ZNF277: variants seen among roughly 807,000 people sequenced by gnomAD.
The protein encoded by ZNF277 is nuclear receptor-interacting factor 4.
A neutral mutation model predicts 60.7 loss-of-function variants in ZNF277; 55 were observed. The observed-to-expected ratio is 0.91, with a 90% confidence interval of 0.73 to 1.13. ZNF277 has a LOEUF of 1.13. Among genes scored for constraint, ZNF277 ranks in the 50% most tolerant of loss-of-function variants. The pLI is 0.00. For missense variants in ZNF277, 510 were observed against 523.0 expected (o/e 0.98, Z 0.24); for synonymous variants, 178 against 179.3 (o/e 0.99, Z 0.06).
intron 1 of ZNF277, among the ~76,000 whole-genome samples, chr7:112,232,519 T>G (rs1185292689): frequency 6.6e-6 from 1 of 152,160 alleles, no homozygotes; most frequent in Non-Finnish European, 1.5e-5. Context: ...CATATGTCTA[T>G]ACCCAAACAA....
chr7:112,262,899 T>C (rs983794772), intron 1 of ZNF277, among the ~76,000 whole-genome samples: 2 of 152,150 alleles, frequency 1.3e-5, no homozygotes, highest in Non-Finnish European at 2.9e-5. Context: ...ATATTGTATT[T>C]CATTAACAAC....
At chr7:112,263,224 C>G (rs1370082687) in intron 1 of ZNF277, among the ~76,000 whole-genome samples, 3 of 152,122 alleles carry the variant, frequency 2.0e-5, no homozygotes, top group African/African-American at 7.2e-5. Context: ...GGTTTTGAGA[C>G]TAGTAGAGGT....
chr7:112,290,215 T>C (rs1481900501), intron 2 of ZNF277, among the ~76,000 whole-genome samples: 1 of 152,196 alleles, frequency 6.6e-6, no homozygotes, highest in African/African-American at 2.4e-5. Context: ...CCAGTGATAA[T>C]TGAATAGTTT....
At chr7:112,326,867 A>G (rs1793104251) in intron 5 of ZNF277, among the ~76,000 whole-genome samples, 1 of 152,206 alleles carries the variant, frequency 6.6e-6, no homozygotes, top group East Asian at 1.9e-4. Flanking sequence ...TTTATGAACT[A>G]AAGTTGTGAT....
rs1821483323 is a variant in ZNF277 at position 112,206,746 on chromosome 7, C to T, written c.30C>T (p.Val10=). 3.1e-6 allele frequency: 5 copies of T among 1,613,078 alleles called. No homozygotes were observed. In the African/African-American group the frequency reaches 4.0e-5, roughly 13 times the overall value. ...CTGCTTCCAAGACCCAGGGGGCTGTCGCCCGAATGCAGGAAGACCGTGATG... is the reference window on the plus strand; with the variant it reads ...CTGCTTCCAAGACCCAGGGGGCTGTTGCCCGAATGCAGGAAGACCGTGATG... MAASKTQGA[V]ARMQEDRDGS... is the part of the protein sequence containing the mutation. Residue 10 remains valine, a synonymous_variant, in exon 1 of 12, where the codon GTC becomes GTT. Coordinates refer to ENST00000361822, the MANE Select transcript of ZNF277 (RefSeq NM_021994.3).
intron 6 of ZNF277, among the ~76,000 whole-genome samples, chr7:112,329,634 A>C (rs987140585): frequency 1.3e-5 from 2 of 152,208 alleles, no homozygotes; most frequent in Non-Finnish European, 2.9e-5. Flanking sequence ...AGTAACTTAA[A>C]GTCCCACAGC....
chr7:112,339,892 T>A lies in ZNF277; in HGVS notation c.1009+7T>A. Reference sequence around the variant, plus strand: ...AAAATAAAGTCAGAACTTGGTAAGTTTGATTCAGAGGTTTTTTTCTGTGAT... The same window carrying A: ...AAAATAAAGTCAGAACTTGGTAAGTATGATTCAGAGGTTTTTTTCTGTGAT... On this transcript the variant is annotated splice_region_variant and intron_variant, in intron 10 of 11. Coordinates refer to ENST00000361822, the MANE Select transcript of ZNF277 (RefSeq NM_021994.3). 1.2e-6 allele frequency: 2 copies of A among 1,608,950 alleles called. No homozygotes were observed. The highest frequency in any genetic ancestry group is 1.7e-6 in the Non-Finnish European group (2 of 1,179,864).
chr7:112,336,730 G>T (rs1003685273), intron 8 of ZNF277, among the ~76,000 whole-genome samples: 1 of 152,028 alleles, frequency 6.6e-6, no homozygotes, highest in Non-Finnish European at 1.5e-5. Context: ...TTAATAGTGA[G>T]GTAAAGCCCA....
chr7:112,238,479 C>T (rs549238113), intron 1 of ZNF277, among the ~76,000 whole-genome samples: 1 of 152,252 alleles, frequency 6.6e-6, no homozygotes, highest in East Asian at 1.9e-4. Context: ...CAGTCTAGGC[C>T]ACAAGTAGTG....
chr7:112,277,421 G>GA (rs371732629), intron 1 of ZNF277, among the ~76,000 whole-genome samples: 16 of 152,128 alleles, frequency 1.1e-4, no homozygotes, highest in Admixed American at 3.3e-4. Flanking sequence ...TTTCTTCCCA[G>GA]AAAAAATTAA....
In ZNF277 at chr7:112,256,525, C is replaced by T. The variant is rs117062695; in HGVS notation, c.92-30348C>T. Among the ~76,000 whole-genome samples the T allele has an allele frequency of 6.1e-5, 9 of 147,640 alleles. No homozygotes were observed. The East Asian group carries it at 1.7e-3, about 28-fold the overall frequency. On this transcript the variant is annotated intron_variant, in intron 1 of 11. Coordinates refer to ENST00000361822, the MANE Select transcript of ZNF277 (RefSeq NM_021994.3). ...GCTCACTTTTGCTCTCTAAGTGGCT[C>T]ACCTCCACCTCCCAGGTTCAAGTGA...
At chr7:112,281,447 T>C (rs1031697554) in intron 1 of ZNF277, among the ~76,000 whole-genome samples, 2 of 152,202 alleles carry the variant, frequency 1.3e-5, no homozygotes, top group Non-Finnish European at 2.9e-5. Context: ...GGAGTATACT[T>C]ACATGAAGAG....
chr7:112,334,223 CT>C (rs1563232676), intron 7 of ZNF277, among the ~76,000 whole-genome samples: 1 of 151,660 alleles, frequency 6.6e-6, no homozygotes, highest in African/African-American at 2.4e-5. Context: ...TGAAGGGGAT[CT>C]TTTTTTTCCA....
At chr7:112,322,941 G>A (rs1386244593) in intron 5 of ZNF277, among the ~76,000 whole-genome samples, 1 of 152,114 alleles carries the variant, frequency 6.6e-6, no homozygotes. Flanking sequence ...GTGTATTACT[G>A]CTACTGTGTG....
intron 4 of ZNF277, among the ~76,000 whole-genome samples, chr7:112,310,827 A>C (rs1443508214): frequency 6.6e-6 from 1 of 152,044 alleles, no homozygotes. Context: ...TGCTGCCTTT[A>C]AGCTGGTTTG....
intron 5 of ZNF277, among the ~76,000 whole-genome samples, chr7:112,324,981 G>A (rs1387173077): frequency 6.6e-6 from 1 of 152,096 alleles, no homozygotes; most frequent in African/African-American, 2.4e-5. Flanking sequence ...CCCCTCATTG[G>A]TATGGGCTAT....
chr7:112,241,014 A>G (rs1790932490), intron 1 of ZNF277, among the ~76,000 whole-genome samples: 1 of 152,158 alleles, frequency 6.6e-6, no homozygotes, highest in Non-Finnish European at 1.5e-5. Flanking sequence ...GGATCATATC[A>G]AATTAAAAAC....
chr7:112,271,927 C>G (rs374174967), intron 1 of ZNF277, among the ~76,000 whole-genome samples: 9 of 152,004 alleles, frequency 5.9e-5, no homozygotes, highest in African/African-American at 2.4e-5. Context: ...AAGAATTTAT[C>G]CTTTATTTGT....
At chr7:112,321,235 AC>A (rs1191227102) in intron 5 of ZNF277, among the ~76,000 whole-genome samples, 1 of 151,416 alleles carries the variant, frequency 6.6e-6, no homozygotes, top group African/African-American at 2.4e-5. Context: ...TGTTTCTTAT[AC>A]CATAGATTTT....
Sources: gnomAD v4.1 joint callset for allele counts (sites outside exome capture counted in the v4.1 genomes callset) on GRCh38, gnomAD v4.1.1 for gene constraint, MANE v1.5 for transcripts, NCBI Gene and HGNC (gene_info 2026-07-23, HGNC 2026-07-21) for gene names.